Variants in STK3 observed in about 807,000 individuals in gnomAD.
The protein encoded by STK3 is serine/threonine kinase 3.
Under a neutral mutation model 58.0 loss-of-function variants are expected in STK3, and 41 were observed. The observed-to-expected ratio is 0.71, with a 90% CI of 0.55 to 0.92. The LOEUF (loss-of-function observed/expected upper bound fraction) is 0.92, where lower values mean the gene tolerates loss of function less well. Ranked by LOEUF, STK3 falls within the 40% of genes least tolerant of loss-of-function variation. The probability of loss-of-function intolerance (pLI) is 0.00; values close to 1 mark genes in which losing one functional copy is unlikely to be tolerated. For synonymous variants in STK3, 170 were observed against 191.0 expected (o/e 0.89, Z 0.91); for missense variants, 479 against 602.7 (o/e 0.79, Z 2.15).
chr8:98,554,787 G>C (rs916310893), intron 8 of STK3, among the ~76,000 whole-genome samples: 3 of 151,996 alleles, frequency 2.0e-5, no homozygotes, highest in African/African-American at 7.2e-5. Flanking sequence ...TTAAGCCACA[G>C]CTTTTACTTT....
At chr8:98,629,401 C>T (rs528537768) in intron 6 of STK3, among the ~76,000 whole-genome samples, 1 of 152,260 alleles carries the variant, frequency 6.6e-6, no homozygotes, top group African/African-American at 2.4e-5. Flanking sequence ...ACCCCACACA[C>T]CCACCTTCCT....
At chr8:98,652,217 T>C (rs940880096) in intron 6 of STK3, among the ~76,000 whole-genome samples, 2 of 152,310 alleles carry the variant, frequency 1.3e-5, no homozygotes, top group African/African-American at 4.8e-5. Flanking sequence ...CAGAATTTCA[T>C]ATCCAGCCAA....
the STK3 span, among the ~76,000 whole-genome samples, chr8:98,352,772 G>GA: frequency 1.2e-3 from 182 of 147,116 alleles, 3 homozygotes; most frequent in East Asian, 0.012. Flanking sequence ...TTACCTAAAA[G>GA]AAAAAAAAAA....
chr8:98,909,198 C>G (rs982652810), intron 1 of STK3, among the ~76,000 whole-genome samples: 2 of 152,162 alleles, frequency 1.3e-5, no homozygotes, highest in African/African-American at 2.4e-5. Flanking sequence ...TTTGTTTTAT[C>G]TTATTTGTGA....
At chr8:98,515,816 A>T (rs920238267) in intron 10 of STK3, among the ~76,000 whole-genome samples, 1 of 151,482 alleles carries the variant, frequency 6.6e-6, no homozygotes, top group Non-Finnish European at 1.5e-5. Context: ...TTATACTTTA[A>T]GTTTTAGGGT....
At chr8:98,828,426 A>G (rs1368120303), upstream of STK3, among the ~76,000 whole-genome samples, 1 of 127,512 alleles carries the variant, frequency 7.8e-6, no homozygotes, top group Non-Finnish European at 1.6e-5. Flanking sequence ...ACATGGTGAA[A>G]CCCATCTCTA....
chr8:98,638,457 T>C (rs1167757236), intron 6 of STK3: 4 of 152,206 alleles, frequency 2.6e-5, no homozygotes, highest in Admixed American at 2.6e-4. Context: ...TTAAATCACT[T>C]ACATACGGCC....
chr8:98,827,285 G>T (rs1437872207), upstream of STK3, among the ~76,000 whole-genome samples: 1 of 152,184 alleles, frequency 6.6e-6, no homozygotes, highest in Non-Finnish European at 1.5e-5. Flanking sequence ...AGTGATCCGA[G>T]ATCGCGCCAC....
intron 9 of STK3, among the ~76,000 whole-genome samples, chr8:98,532,593 G>T (rs1826244481): frequency 6.6e-6 from 1 of 152,156 alleles, no homozygotes; most frequent in South Asian, 2.1e-4. Flanking sequence ...CTTGACACAA[G>T]GTTGCCACAA....
intron 6 of STK3, among the ~76,000 whole-genome samples, chr8:98,679,245 G>A (rs1373659090): frequency 3.9e-5 from 6 of 152,162 alleles, no homozygotes; most frequent in African/African-American, 1.4e-4. Context: ...TCTAAGCACT[G>A]ATTGTGACCT....
chr8:98,363,971 G>A, the STK3 span, among the ~76,000 whole-genome samples: 8 of 152,172 alleles, frequency 5.3e-5, no homozygotes, highest in Non-Finnish European at 1.0e-4. Flanking sequence ...GCCCTGGCCT[G>A]AGCTGTTGCC....
chr8:98,447,548 CTA>C (rs139329925), intron 1 of STK3, among the ~76,000 whole-genome samples: 209 of 143,488 alleles, frequency 1.5e-3, no homozygotes, highest in East Asian at 1.4e-3. Flanking sequence ...TGCATATATA[CTA>C]TATATATATA....
At position 98,800,820 on chromosome 8, in the gene STK3, C is replaced by T; in HGVS notation, c.26+24695G>A. Among the ~76,000 whole-genome samples, 1 of 152,244 alleles carries T rather than the reference C, an allele frequency of 6.6e-6. No individual in the cohort carries two copies. The highest frequency in any genetic ancestry group is 2.1e-4 in the South Asian group (1 of 4,834). On this transcript the variant is annotated intron_variant, in intron 1 of 10. Transcript: ENST00000419617. The surrounding 1 kb of genome is among the most constrained non-coding windows in gnomAD (Gnocchi z 4.8). ...AATTCTTGCCAGGCCTCAGCCACCT[C>T]CCCACAGGGCAGGGCTCAGGACCTG...
chr8:98,456,552 G>A lies in STK3; in HGVS notation c.1318-552C>T, dbSNP rs567165138. 1.6e-4 allele frequency among the ~76,000 whole-genome samples: 25 copies of A among 152,334 alleles called. No individual in the cohort carries two copies. The East Asian group carries it at 3.9e-3, about 24-fold the overall frequency. ...GAATAGGCCTGGTGGGGCCCCAAAA[G>A]CAGGAAGCCATGATCAATTCTGGAG... On this transcript the variant is annotated intron_variant, in intron 10 of 10. Transcript: ENST00000419617.
At chr8:98,398,380 G>T (rs1457822104), downstream of STK3, among the ~76,000 whole-genome samples, 1 of 151,844 alleles carries the variant, frequency 6.6e-6, no homozygotes, top group Non-Finnish European at 1.5e-5. Context: ...CCCCTTTTTC[G>T]CTGTGAAAGC....
At chr8:98,809,593 C>T (rs1317519036) in intron 1 of STK3, among the ~76,000 whole-genome samples, 2 of 152,134 alleles carry the variant, frequency 1.3e-5, no homozygotes, top group Admixed American at 6.5e-5. Flanking sequence ...ACAAATTTGT[C>T]CTTTTGTGTG....
At chr8:98,715,072 C>T (rs961255150) in intron 4 of STK3, among the ~76,000 whole-genome samples, 27 of 152,040 alleles carry the variant, frequency 1.8e-4, no homozygotes, top group South Asian at 4.2e-4. Context: ...GAAAACTGGC[C>T]AGCCATATGA....
At chr8:98,511,217 T>C (rs1469544970) in intron 10 of STK3, among the ~76,000 whole-genome samples, 6 of 151,976 alleles carry the variant, frequency 3.9e-5, no homozygotes. Context: ...CAAATGCTTA[T>C]TCATATTTTT....
chr8:98,857,237 T>C (rs1001212381), intron 3 of STK3, among the ~76,000 whole-genome samples: 1 of 152,222 alleles, frequency 6.6e-6, no homozygotes, highest in Non-Finnish European at 1.5e-5. Context: ...ATAAAGCTGT[T>C]AAAAACAAAC....
Sources: allele counts gnomAD v4.1 joint callset (sites outside exome capture counted in the v4.1 genomes callset), GRCh38; gene constraint gnomAD v4.1.1; non-coding constraint Gnocchi (gnomAD v3.1); transcripts MANE v1.5; gene names NCBI Gene and HGNC (gene_info 2026-07-23, HGNC 2026-07-21).